The following FOXK2 variants were observed in gnomAD, a reference collection of about 807,000 sequenced individuals.
The protein encoded by FOXK2 is forkhead box protein K2.
Under a neutral mutation model 53.3 loss-of-function variants are expected in FOXK2, and 24 were observed. The observed-to-expected ratio is 0.45, with a 90% confidence interval of 0.33 to 0.63. The LOEUF (loss-of-function observed/expected upper bound fraction) is 0.63, where lower values mean the gene tolerates loss of function less well. FOXK2 is among the 30% of genes least tolerant of loss of function. The pLI, the probability that FOXK2 is intolerant of heterozygous loss-of-function variation, is 0.03. For missense variants in FOXK2, 952 were observed against 910.5 expected, an observed-to-expected ratio of 1.05 and a Z score of -0.59; for synonymous variants, 505 against 407.1, an observed-to-expected ratio of 1.24 and a Z score of -2.89.
chr17:82,572,432 C>G (rs753340621), intron 4 of FOXK2, among the ~76,000 whole-genome samples: 5 of 152,196 alleles, frequency 3.3e-5, no homozygotes, highest in South Asian at 2.1e-4. Flanking sequence ...GGGGCTACCC[C>G]CAAGAGACAC....
At chr17:82,537,917 C>CAAAA (rs568515827) in intron 1 of FOXK2, among the ~76,000 whole-genome samples, 1 of 67,522 alleles carries the variant, frequency 1.5e-5, no homozygotes, top group Non-Finnish European at 3.1e-5. Context: ...ACTCTGTCTC[C>CAAAA]AAAAAAAAAA....
chr17:82,534,916 T>C (rs1429828222), intron 1 of FOXK2, among the ~76,000 whole-genome samples: 1 of 152,240 alleles, frequency 6.6e-6, no homozygotes, highest in African/African-American at 2.4e-5. Context: ...GTTCTTGCTC[T>C]GTCGCCCAGC....
chr17:82,591,304 C>T (rs1199474851), intron 8 of FOXK2, among the ~76,000 whole-genome samples: 3 of 152,060 alleles, frequency 2.0e-5, no homozygotes, highest in African/African-American at 7.2e-5. Flanking sequence ...CAAACACAGG[C>T]GAGCCCATCC....
intron 1 of FOXK2, among the ~76,000 whole-genome samples, chr17:82,558,957 T>C (rs1179443271): frequency 6.6e-6 from 1 of 152,022 alleles, no homozygotes; most frequent in Non-Finnish European, 1.5e-5. Flanking sequence ...CACCGTGTTA[T>C]CCAGGATGGT....
At chr17:82,573,725 C>T (rs2044949768) in intron 4 of FOXK2, among the ~76,000 whole-genome samples, 2 of 152,212 alleles carry the variant, frequency 1.3e-5, no homozygotes, top group African/African-American at 4.8e-5. Flanking sequence ...GAGTTTACAG[C>T]TTATTCTGAT....
chr17:82,534,667 C>T (rs1297275704), intron 1 of FOXK2, among the ~76,000 whole-genome samples: 2 of 152,252 alleles, frequency 1.3e-5, no homozygotes, highest in African/African-American at 4.8e-5. Context: ...CCACACACTT[C>T]AGCCCATCCA....
intron 8 of FOXK2, among the ~76,000 whole-genome samples, chr17:82,588,951 C>T (rs1179794646): frequency 6.7e-6 from 1 of 150,336 alleles, no homozygotes; most frequent in South Asian, 2.1e-4. Context: ...TGTAGCTTCT[C>T]GGGAGGCTGA....
At chr17:82,566,254 A>T (rs1233574648) in intron 2 of FOXK2, among the ~76,000 whole-genome samples, 3 of 151,926 alleles carry the variant, frequency 2.0e-5, no homozygotes, top group Non-Finnish European at 4.4e-5. Context: ...AAAAAAAAAA[A>T]TAGGCCCCCT....
Position 82,571,698 on chromosome 17 carries a change from G to A in FOXK2, c.763-26G>A, listed in dbSNP as rs375602214. The stretch of plus-strand genomic sequence containing the variant: ...ACAAAATATGGTAACTTCAATATTC[G>A]TTTTGTGTTTGTTTTTTAAATACAG... On this transcript the variant is annotated intron_variant, in intron 3 of 8. Transcript: ENST00000335255. 31 of 1,474,434 alleles carry A rather than the reference G, an allele frequency of 2.1e-5. No individual in the cohort carries two copies. In the African/African-American group the frequency reaches 2.6e-4, roughly 12 times the overall value. 91.3% of individuals were successfully genotyped at this position (1,474,434 alleles called of 1,614,324 possible).
chr17:82,565,658 A>C, intron 2 of FOXK2, among the ~76,000 whole-genome samples: 1 of 152,290 alleles, frequency 6.6e-6, no homozygotes, highest in East Asian at 1.9e-4. Context: ...AACCCAGAAA[A>C]TAGTGTTAGT....
chr17:82,571,936 CTG>C, intron 4 of FOXK2, 66 bp downstream of exon 4: 1 of 1,429,162 alleles, frequency 7.0e-7, no homozygotes. Context: ...GGAGCGGCTG[CTG>C]TCTGGAACAC....
chr17:82,536,109 C>T (rs909210594), intron 1 of FOXK2, among the ~76,000 whole-genome samples: 1 of 152,070 alleles, frequency 6.6e-6, no homozygotes, highest in South Asian at 2.1e-4. Context: ...AACTCCTCAC[C>T]TCAGGTGATC....
intron 1 of FOXK2, among the ~76,000 whole-genome samples, chr17:82,557,944 C>T (rs929600735): frequency 2.6e-5 from 4 of 152,168 alleles, no homozygotes; most frequent in South Asian, 4.1e-4. Flanking sequence ...TGAGCAACCG[C>T]GTCTGGCCCC....
At chr17:82,576,977 C>T (rs933183828) in intron 4 of FOXK2, 36 of 386,310 alleles carry the variant, frequency 9.3e-5, no homozygotes, top group South Asian at 5.8e-4. Flanking sequence ...ATGACCAACA[C>T]GGAGAAACTA....
In FOXK2 at chr17:82,537,862, T is replaced by C. The variant is rs532832896; in HGVS notation, c.419+17555T>C. On this transcript the variant is annotated intron_variant, in intron 1 of 8. Coordinates refer to ENST00000335255, the MANE Select transcript of FOXK2 (RefSeq NM_004514.4). ...CCTTGAACCTGGGAGGTGGAGGTTATAGTGAGCTGAGATTGCACCACTGCA... is the reference window on the plus strand; with the variant it reads ...CCTTGAACCTGGGAGGTGGAGGTTACAGTGAGCTGAGATTGCACCACTGCA... 2.4e-3 allele frequency among the ~76,000 whole-genome samples: 336 copies of C among 142,450 alleles called. 3 individuals are homozygous for C. Among genetic ancestry groups the C allele is most frequent in the Middle Eastern group, 0.013 (3 of 230 alleles). The allele number at this position is 142,450 out of a possible 152,430, so 93.5% of individuals were successfully genotyped here. A position where few individuals can be genotyped will look rare whatever the true frequency, so the allele number is the denominator to read the frequency against.
intron 1 of FOXK2, among the ~76,000 whole-genome samples, chr17:82,562,677 A>G (rs1369620619): frequency 6.6e-6 from 1 of 152,172 alleles, no homozygotes; most frequent in East Asian, 1.9e-4. Flanking sequence ...TTTGTTTTGA[A>G]AGGAAAAATA....
intron 5 of FOXK2, 114 bp downstream of exon 5, chr17:82,583,048 A>G: frequency 1.3e-6 from 1 of 744,646 alleles, no homozygotes; most frequent in African/African-American, 1.8e-5. Flanking sequence ...TTATGATTAA[A>G]TGTTGGGATG....
chr17:82,576,528 C>T, intron 4 of FOXK2: 1 of 621,982 alleles, frequency 1.6e-6, no homozygotes, highest in Non-Finnish European at 2.8e-6. Context: ...AGTCTTTTTC[C>T]AAGATGTATT....
At chr17:82,594,604 C>T (rs1567989180) in intron 8 of FOXK2, among the ~76,000 whole-genome samples, 1 of 152,160 alleles carries the variant, frequency 6.6e-6, no homozygotes, top group East Asian at 1.9e-4. Flanking sequence ...TGCATCTCCG[C>T]AGTCATCTTT....
Sources: allele counts gnomAD v4.1 joint callset (sites outside exome capture counted in the v4.1 genomes callset), GRCh38; gene constraint gnomAD v4.1.1; transcripts MANE v1.5; gene names NCBI Gene and HGNC (gene_info 2026-07-23, HGNC 2026-07-21).